The following PHLPP2 variants were observed in gnomAD, a reference collection of about 807,000 sequenced individuals.
PHLPP2 encodes PH domain leucine-rich repeat-containing protein phosphatase 2.
Under a neutral mutation model 124.9 loss-of-function variants are expected in PHLPP2, and 66 were observed. That is an observed-to-expected ratio of 0.53 (90% confidence interval 0.43 to 0.65). The LOEUF is 0.65. Ranked by LOEUF, PHLPP2 falls within the 30% of genes least tolerant of loss-of-function variation. The probability of loss-of-function intolerance (pLI) is 0.00; values close to 1 mark genes in which losing one functional copy is unlikely to be tolerated. For synonymous variants in PHLPP2, 681 were observed against 624.7 expected, an observed-to-expected ratio of 1.09 and a Z score of -1.34; for missense variants, 1,685 against 1,600.4, an observed-to-expected ratio of 1.05 and a Z score of -0.90.
rs143677624 is a variant in PHLPP2 at position 71,719,673 on chromosome 16, A to C, written c.-7+4656T>G. On this transcript the variant is annotated intron_variant, in intron 1 of 18. Transcript: ENST00000568954. Reference sequence around the variant, plus strand: ...CATTAGTTGTAACTTCGTATCTTCTATAAGCTATGGGCCTGGGTGACACAA... The same window carrying C: ...CATTAGTTGTAACTTCGTATCTTCTCTAAGCTATGGGCCTGGGTGACACAA... Among the ~76,000 whole-genome samples, 657 of 152,032 alleles carry C rather than the reference A, an allele frequency of 4.3e-3. 5 individuals carry two copies. Among genetic ancestry groups the C allele is most frequent in the African/African-American group, 0.015 (611 of 41,486 alleles).
At chr16:71,658,540 A>G (rs2303224) in intron 14 of PHLPP2, 113 bp downstream of exon 14, 460,227 of 1,266,238 alleles carry the variant, frequency 0.36, 88,859 homozygotes, top group East Asian at 0.69. Context: ...ATTTTTCCTT[A>G]TAAGAATAAT....
At chr16:71,720,063 G>T (rs1328943530) in intron 1 of PHLPP2, among the ~76,000 whole-genome samples, 1 of 140,098 alleles carries the variant, frequency 7.1e-6, no homozygotes, top group African/African-American at 2.7e-5. Flanking sequence ...CCGCCCCCCG[G>T]GGTTCATGCC....
chr16:71,688,614 T>TTG (rs2045076557), intron 4 of PHLPP2, among the ~76,000 whole-genome samples: 1 of 151,114 alleles, frequency 6.6e-6, no homozygotes, highest in African/African-American at 2.4e-5. Flanking sequence ...GTGGGTTTTT[T>TTG]TTTTTTTTTT....
chr16:71,652,407 A>G (rs969093012), intron 18 of PHLPP2, among the ~76,000 whole-genome samples: 2 of 152,264 alleles, frequency 1.3e-5, no homozygotes, highest in Non-Finnish European at 2.9e-5. Flanking sequence ...GAGTATAAAC[A>G]CAAAACATTT....
Position 71,667,167 on chromosome 16 carries a change from A to T in PHLPP2, c.1784+11T>A, listed in dbSNP as rs375136070. ...ATTCTGCTCTTCCGAAAAAAATCCT[A>T]TGATACTTACTTTAAGGCCTTGGAG... is the stretch of plus-strand genomic sequence containing the variant. On this transcript the variant is annotated intron_variant, in intron 12 of 18. Coordinates refer to ENST00000568954, the MANE Select transcript of PHLPP2 (RefSeq NM_015020.3). The T allele has an allele frequency of 1.9e-4, 300 of 1,606,112 alleles. 1 individual carries two copies. The highest frequency in any genetic ancestry group is 7.7e-4 in the Admixed American group (45 of 58,376).
At chr16:71,705,634 CCCGAGT>C (rs1412071300) in intron 2 of PHLPP2, among the ~76,000 whole-genome samples, 4 of 152,100 alleles carry the variant, frequency 2.6e-5, no homozygotes, top group African/African-American at 9.7e-5. Context: ...GCCTCAGCCT[CCCGAGT>C]AGCTGGGACT....
rs1442142371 is a variant in PHLPP2 at position 71,664,068 on chromosome 16, G to T, written c.1816C>A (p.Leu606Met). ...GTGCAGGCGGATGGTAAAGACTCCA[G>T]ACTATTTGCAGATGCATTCAAGTAT... Reference protein sequence around the residue: ...LRYLNASANSLESLPSACTGE... With the variant: ...LRYLNASANSMESLPSACTGE... The change falls in exon 13 of 19, where the codon CTG (leucine) becomes ATG (methionine). Residue 606 changes from leucine to methionine, a missense_variant. Physicochemically the swap from Leu to Met is conservative, Grantham distance 15 (BLOSUM62 2). Transcript: ENST00000568954. The T allele has an allele frequency of 6.2e-7, 1 of 1,613,568 alleles. No individual in the cohort carries two copies. Among genetic ancestry groups the T allele is most frequent in the Non-Finnish European group, 8.5e-7 (1 of 1,179,616 alleles).
chr16:71,719,331 C>T (rs1237237341), intron 1 of PHLPP2, among the ~76,000 whole-genome samples: 4 of 151,926 alleles, frequency 2.6e-5, no homozygotes, highest in Admixed American at 6.6e-5. Context: ...AGGTCAGGAG[C>T]TCGAGACCAG....
intron 4 of PHLPP2, among the ~76,000 whole-genome samples, chr16:71,688,734 C>T (rs1207210908): frequency 1.3e-5 from 2 of 151,656 alleles, no homozygotes; most frequent in Non-Finnish European, 2.9e-5. Context: ...GCCTTGTCCT[C>T]ATTCACTCTT....
chr16:71,698,260 C>T (rs376871903), intron 3 of PHLPP2, among the ~76,000 whole-genome samples: 19 of 152,302 alleles, frequency 1.2e-4, no homozygotes, highest in Admixed American at 9.1e-4. Context: ...TAACTGACCC[C>T]GCAGCCATCT....
chr16:71,722,572 A>C (rs903416067), intron 1 of PHLPP2, among the ~76,000 whole-genome samples: 5 of 152,208 alleles, frequency 3.3e-5, no homozygotes, highest in East Asian at 3.8e-4. Context: ...ACATCGTACT[A>C]ACCTTCATAA....
intron 1 of PHLPP2, among the ~76,000 whole-genome samples, chr16:71,718,393 CA>C (rs1299087432): frequency 6.6e-6 from 1 of 151,996 alleles, no homozygotes; most frequent in African/African-American, 2.4e-5. Context: ...GCCTGGCCAA[CA>C]TAGTGAAACC....
intron 4 of PHLPP2, among the ~76,000 whole-genome samples, chr16:71,689,916 G>C (rs1363507801): frequency 6.6e-6 from 1 of 152,108 alleles, no homozygotes; most frequent in East Asian, 1.9e-4. Context: ...ATTTTGTCTG[G>C]AAGTCTTCCA....
At chr16:71,667,610 A>G (rs1408612740) in intron 11 of PHLPP2, among the ~76,000 whole-genome samples, 1 of 152,252 alleles carries the variant, frequency 6.6e-6, no homozygotes, top group Non-Finnish European at 1.5e-5. Context: ...TTTCTAGAAT[A>G]AATCAATTTA....
At chr16:71,657,867 T>C (rs1156275510) in intron 15 of PHLPP2, among the ~76,000 whole-genome samples, 1 of 152,194 alleles carries the variant, frequency 6.6e-6, no homozygotes, top group Non-Finnish European at 1.5e-5. Context: ...AACAAAGATT[T>C]CTATGTTTTA....
intron 2 of PHLPP2, among the ~76,000 whole-genome samples, chr16:71,704,670 A>C (rs993569968): frequency 3.3e-5 from 5 of 152,204 alleles, no homozygotes; most frequent in Non-Finnish European, 7.3e-5. Flanking sequence ...ACGACCAATA[A>C]AGATTGAATT....
chr16:71,674,135 T>C (rs548718630), intron 9 of PHLPP2, among the ~76,000 whole-genome samples: 1 of 151,708 alleles, frequency 6.6e-6, no homozygotes, highest in African/African-American at 2.4e-5. Flanking sequence ...TGGAGTGTAA[T>C]GGCATGACCT....
At chr16:71,671,307 CTAT>C (rs763661911) in intron 10 of PHLPP2, among the ~76,000 whole-genome samples, 192 of 152,228 alleles carry the variant, frequency 1.3e-3, no homozygotes, top group Non-Finnish European at 2.2e-3. Context: ...ACGTCAGGTA[CTAT>C]CTTATGCATT....
intron 12 of PHLPP2, among the ~76,000 whole-genome samples, chr16:71,664,789 G>C (rs1297188527): frequency 2.6e-5 from 4 of 152,048 alleles, no homozygotes; most frequent in Non-Finnish European, 1.5e-5. Flanking sequence ...GGTTTTAATA[G>C]CATCATTATG....
Sources: gnomAD v4.1 joint callset for allele counts (sites outside exome capture counted in the v4.1 genomes callset) on GRCh38, gnomAD v4.1.1 for gene constraint, MANE v1.5 for transcripts, NCBI Gene and HGNC (gene_info 2026-07-23, HGNC 2026-07-21) for gene names.